CALN1: variants seen among roughly 807,000 people sequenced by gnomAD.
CALN1 encodes the protein calcium-binding protein 8.
A neutral mutation model predicts 30.6 loss-of-function variants in CALN1; 17 were observed. The observed-to-expected ratio is 0.56, with a 90% CI of 0.38 to 0.83. The LOEUF (loss-of-function observed/expected upper bound fraction) is 0.83, where lower values mean the gene tolerates loss of function less well. Ranked by LOEUF, CALN1 falls within the 40% of genes least tolerant of loss-of-function variation. The probability of loss-of-function intolerance (pLI) is 0.00; values close to 1 mark genes in which losing one functional copy is unlikely to be tolerated. For synonymous variants in CALN1, 156 were observed against 131.4 expected (o/e 1.19, Z -1.28); for missense variants, 291 against 354.9 (o/e 0.82, Z 1.45).
chr7:72,417,491 C>T (rs973351942), intron 1 of CALN1, among the ~76,000 whole-genome samples: 5 of 152,210 alleles, frequency 3.3e-5, no homozygotes, highest in African/African-American at 7.2e-5. Context: ...CTTCTGTCCC[C>T]GCTACCGTGG....
intron 2 of CALN1, among the ~76,000 whole-genome samples, chr7:72,373,061 C>T (rs113262548): frequency 3.3e-5 from 5 of 152,132 alleles, no homozygotes; most frequent in African/African-American, 7.2e-5. Flanking sequence ...GTAGAAGATA[C>T]GAAGAATGAC....
intron 5 of CALN1, among the ~76,000 whole-genome samples, chr7:71,818,645 C>T (rs903200580): frequency 6.6e-6 from 1 of 151,914 alleles, no homozygotes; most frequent in African/African-American, 2.4e-5. Flanking sequence ...GCTGAGATTA[C>T]AGGCACTTGC....
intron 5 of CALN1, among the ~76,000 whole-genome samples, chr7:71,966,937 GAAC>G (rs1166934845): frequency 1.8e-4 from 27 of 152,172 alleles, no homozygotes; most frequent in Admixed American, 7.9e-4. Flanking sequence ...AATTCTGTCA[GAAC>G]AACAGAAAGA....
At chr7:72,284,327 C>A (rs996363945) in intron 2 of CALN1, among the ~76,000 whole-genome samples, 1 of 152,148 alleles carries the variant, frequency 6.6e-6, no homozygotes, top group Admixed American at 6.5e-5. Flanking sequence ...AACTAAAGAG[C>A]CTCATTCACA....
At chr7:72,391,395 T>C (rs1805567824) in intron 2 of CALN1, among the ~76,000 whole-genome samples, 1 of 152,194 alleles carries the variant, frequency 6.6e-6, no homozygotes, top group African/African-American at 2.4e-5. Flanking sequence ...AGAATCCTAC[T>C]TTTCCATTTC....
chr7:71,817,054 T>C (rs1788306490), intron 5 of CALN1, among the ~76,000 whole-genome samples: 1 of 152,184 alleles, frequency 6.6e-6, no homozygotes, highest in Non-Finnish European at 1.5e-5. Flanking sequence ...CTAAACAAAA[T>C]AAGTTGCGTA....
chr7:72,341,907 GA>G (rs370718863), intron 2 of CALN1, among the ~76,000 whole-genome samples: 7 of 149,868 alleles, frequency 4.7e-5, no homozygotes, highest in Admixed American at 6.6e-5. Flanking sequence ...ACTTTGGGAG[GA>G]AAAAAAAAAT....
At chr7:71,826,501 C>T (rs1274547571) in intron 5 of CALN1, among the ~76,000 whole-genome samples, 1 of 152,164 alleles carries the variant, frequency 6.6e-6, no homozygotes, top group Non-Finnish European at 1.5e-5. Context: ...CCCTTGAATA[C>T]CTAGGGCTAG....
chr7:72,029,024 G>C (rs1801269301), intron 4 of CALN1, among the ~76,000 whole-genome samples: 2 of 152,166 alleles, frequency 1.3e-5, no homozygotes, highest in Admixed American at 1.3e-4. Flanking sequence ...GACAGATATA[G>C]CTATAGAAAT....
rs72607600 is a variant in CALN1, at chr7:72,419,520, G to A, written c.-225-7245C>T. On this transcript the variant is annotated intron_variant, in intron 1 of 6. Coordinates refer to the CALN1 transcript ENST00000395276. ...TTCTTGGCTTTGACTGCATGAATACGGGTGTCCCAGAAACCCCACTTCTCC... is the reference window on the plus strand; with the variant it reads ...TTCTTGGCTTTGACTGCATGAATACAGGTGTCCCAGAAACCCCACTTCTCC... 0.025 allele frequency among the ~76,000 whole-genome samples: 3,829 copies of A among 152,106 alleles called. 267 individuals are homozygous for A. In the East Asian group the frequency reaches 0.26, roughly 10 times the overall value.
chr7:72,205,557 T>TATATATATATATATATATATACAC (rs1791788699), intron 3 of CALN1, among the ~76,000 whole-genome samples: 1 of 109,938 alleles, frequency 9.1e-6, no homozygotes, highest in African/African-American at 4.3e-5. Flanking sequence ...AAAAAATATA[T>TATATATATATATATATATATACAC]ATATATATAT....
At chr7:71,994,562 T>C (rs1373016455) in intron 5 of CALN1, among the ~76,000 whole-genome samples, 1 of 150,498 alleles carries the variant, frequency 6.6e-6, no homozygotes, top group African/African-American at 2.5e-5. Context: ...AGTGGTGTTA[T>C]TCATCTGGAG....
At chr7:71,943,913 AAAT>A (rs1484635638) in intron 5 of CALN1, among the ~76,000 whole-genome samples, 3 of 152,186 alleles carry the variant, frequency 2.0e-5, no homozygotes, top group Non-Finnish European at 2.9e-5. Context: ...GATAAAGAAA[AAAT>A]AATAAAATAA....
At chr7:72,101,754 T>C (rs1166292329) in intron 4 of CALN1, among the ~76,000 whole-genome samples, 3 of 152,172 alleles carry the variant, frequency 2.0e-5, no homozygotes, top group East Asian at 3.9e-4. Context: ...CCTTGGTCTG[T>C]TCTTCCAAAG....
chr7:72,023,534 C>T (rs1378633501), intron 5 of CALN1, 123 bp downstream of exon 5: 3 of 557,860 alleles, frequency 5.4e-6, no homozygotes, highest in African/African-American at 1.9e-5. Context: ...TGTTCTGGAA[C>T]ATATGTCGCT....
intron 3 of CALN1, among the ~76,000 whole-genome samples, chr7:72,188,956 GGGAC>G (rs1790407454): frequency 6.6e-6 from 1 of 152,096 alleles, no homozygotes; most frequent in South Asian, 2.1e-4. Flanking sequence ...TGGTCTAAGA[GGGAC>G]TAAGCCTTCC....
At chr7:72,212,781 T>C (rs1792508297) in intron 3 of CALN1, among the ~76,000 whole-genome samples, 1 of 152,110 alleles carries the variant, frequency 6.6e-6, no homozygotes, top group Non-Finnish European at 1.5e-5. Flanking sequence ...ACCACTGCAC[T>C]CCAGCCTGGG....
At chr7:71,804,607 T>C (rs1171755489) in intron 6 of CALN1, among the ~76,000 whole-genome samples, 2 of 152,120 alleles carry the variant, frequency 1.3e-5, no homozygotes, top group African/African-American at 4.8e-5. Context: ...TCACTTGATG[T>C]CAGGAGTTCG....
chr7:71,850,626 G>A (rs12671022), intron 5 of CALN1, among the ~76,000 whole-genome samples: 26,174 of 152,140 alleles, frequency 0.17, 3,779 homozygotes, highest in East Asian at 0.52. Flanking sequence ...GTAGGGGGGA[G>A]GTTATAGATT....
Sources: gnomAD v4.1 joint callset for allele counts (sites outside exome capture counted in the v4.1 genomes callset) on GRCh38, gnomAD v4.1.1 for gene constraint, MANE v1.5 for transcripts, NCBI Gene and HGNC (gene_info 2026-07-23, HGNC 2026-07-21) for gene names.